Variants in CNTNAP2 observed in about 807,000 individuals in gnomAD.
CNTNAP2 encodes the protein contactin associated protein 2.
Under a neutral mutation model 155.2 loss-of-function variants are expected in CNTNAP2, and 98 were observed. That is an observed-to-expected ratio of 0.63 (90% CI 0.54 to 0.75). The LOEUF is 0.75. Among genes scored for constraint, CNTNAP2 ranks in the 30% least tolerant of loss-of-function variants. CNTNAP2 has a pLI of 0.00. For synonymous variants in CNTNAP2, 651 were observed against 631.2 expected (o/e 1.03, Z -0.47); for missense variants, 1,727 against 1,688.1 (o/e 1.02, Z -0.40).
intron 1 of CNTNAP2, among the ~76,000 whole-genome samples, chr7:146,304,286 T>C (rs1800667732): frequency 6.6e-6 from 1 of 152,052 alleles, no homozygotes; most frequent in Non-Finnish European, 1.5e-5. Context: ...GTTAATATTG[T>C]TATGTGTGAA....
chr7:147,808,119 C>G, intron 13 of CNTNAP2, among the ~76,000 whole-genome samples: 1 of 152,114 alleles, frequency 6.6e-6, no homozygotes, highest in East Asian at 1.9e-4. Flanking sequence ...TTTCCTCTCT[C>G]TATATATACT....
chr7:147,814,219 C>T (rs1156312336), intron 13 of CNTNAP2, among the ~76,000 whole-genome samples: 1 of 152,130 alleles, frequency 6.6e-6, no homozygotes, highest in East Asian at 1.9e-4. Flanking sequence ...GGGTGTCACA[C>T]TGGAAAATTC....
chr7:147,910,405 C>T (rs1800040497), intron 14 of CNTNAP2, among the ~76,000 whole-genome samples: 1 of 152,084 alleles, frequency 6.6e-6, no homozygotes, highest in African/African-American at 2.4e-5. Context: ...TTTAGAAATG[C>T]TCCAGAGAGA....
At chr7:147,144,532 C>T (rs1403206727) in intron 8 of CNTNAP2, among the ~76,000 whole-genome samples, 1 of 151,984 alleles carries the variant, frequency 6.6e-6, no homozygotes, top group African/African-American at 2.4e-5. Context: ...TTGGCAGGTA[C>T]GTTTCTAATC....
At chr7:147,181,893 G>T (rs544702690) in intron 8 of CNTNAP2, among the ~76,000 whole-genome samples, 1 of 152,034 alleles carries the variant, frequency 6.6e-6, no homozygotes, top group Non-Finnish European at 1.5e-5. Flanking sequence ...TTGGGAGGCC[G>T]AGGTGGGTGG....
At position 147,995,529 on chromosome 7, in the gene CNTNAP2, G is replaced by GTT. The variant is rs201683391; in HGVS notation, c.2383+17541_2383+17542dup. 9.6e-5 allele frequency among the ~76,000 whole-genome samples: 11 copies of GTT among 114,106 alleles called. 2 individuals carry two copies. Among genetic ancestry groups the GTT allele is most frequent in the African/African-American group, 2.3e-4 (6 of 26,652 alleles). 74.9% of individuals were successfully genotyped at this position (114,106 alleles called of 152,430 possible). A position where few individuals can be genotyped will look rare whatever the true frequency, so the allele number is the denominator to read the frequency against. On this transcript the variant is annotated intron_variant, in intron 15 of 23. Transcript: ENST00000361727. ...TTGTCCTGCCTCTTCTAATTCTTTTGTTGTTTTTTTTTTTTTGAGATGGAA... is the reference window on the plus strand; with the variant it reads ...TTGTCCTGCCTCTTCTAATTCTTTTGTTTTGTTTTTTTTTTTTTGAGATGGAA...
intron 20 of CNTNAP2, among the ~76,000 whole-genome samples, chr7:148,239,740 A>T (rs936307908): frequency 4.6e-5 from 7 of 152,222 alleles, no homozygotes; most frequent in South Asian, 2.1e-4. Context: ...AGTACCTTCA[A>T]ACCAGCTTGA....
chr7:147,647,014 C>G (rs1043689674), intron 13 of CNTNAP2, among the ~76,000 whole-genome samples: 2 of 149,930 alleles, frequency 1.3e-5, no homozygotes, highest in African/African-American at 4.9e-5. Context: ...CGGAATCTCA[C>G]TCTGTCACCA....
intron 13 of CNTNAP2, among the ~76,000 whole-genome samples, chr7:147,836,969 C>T (rs974464017): frequency 6.6e-6 from 1 of 152,156 alleles, no homozygotes; most frequent in Non-Finnish European, 1.5e-5. Context: ...GTCCCAAAGG[C>T]ATTTCATAAA....
chr7:147,455,809 A>T (rs760750051), intron 10 of CNTNAP2, among the ~76,000 whole-genome samples: 1 of 152,152 alleles, frequency 6.6e-6, no homozygotes, highest in Non-Finnish European at 1.5e-5. Context: ...ATACCACATT[A>T]TAAATGATAT....
At chr7:148,403,689 G>A (rs999971859) in intron 22 of CNTNAP2, among the ~76,000 whole-genome samples, 1 of 152,174 alleles carries the variant, frequency 6.6e-6, no homozygotes, top group Admixed American at 6.5e-5. Flanking sequence ...TTCTCTGTGC[G>A]CATTTCCAAG....
At chr7:148,357,505 C>T (rs924932617) in intron 21 of CNTNAP2, among the ~76,000 whole-genome samples, 6 of 152,180 alleles carry the variant, frequency 3.9e-5, no homozygotes, top group Non-Finnish European at 7.3e-5. Context: ...TTGTAGCCCC[C>T]GTTCAATGAT....
chr7:147,894,956 TCTTTC>T (rs1799752715), intron 13 of CNTNAP2, among the ~76,000 whole-genome samples: 3 of 87,420 alleles, frequency 3.4e-5, no homozygotes, highest in African/African-American at 2.2e-4. Context: ...TTTCTTTCTT[TCTTTC>T]TTTCTTTTTT....
At chr7:146,707,142 C>T (rs1201067246) in intron 1 of CNTNAP2, among the ~76,000 whole-genome samples, 1 of 152,140 alleles carries the variant, frequency 6.6e-6, no homozygotes, top group Non-Finnish European at 1.5e-5. Context: ...CATGACCATT[C>T]TGGGTGGCCA....
chr7:146,436,369 G>T (rs1796243827), intron 1 of CNTNAP2, among the ~76,000 whole-genome samples: 1 of 152,108 alleles, frequency 6.6e-6, no homozygotes, highest in Admixed American at 6.6e-5. Flanking sequence ...TGTTGCAGTG[G>T]TGATAATAAA....
chr7:148,277,858 G>C (rs1171379437), intron 21 of CNTNAP2, among the ~76,000 whole-genome samples: 1 of 147,948 alleles, frequency 6.8e-6, no homozygotes, highest in Non-Finnish European at 1.5e-5. Flanking sequence ...CTAACAAATA[G>C]CTCCAAAACT....
chr7:146,303,071 CATGT>C (rs747655873), intron 1 of CNTNAP2, among the ~76,000 whole-genome samples: 12 of 128,216 alleles, frequency 9.4e-5, no homozygotes, highest in African/African-American at 4.5e-4. Flanking sequence ...CCTTTGTGTG[CATGT>C]GTGTGTGTGT....
chr7:146,147,908 T>C (rs1167197369), intron 1 of CNTNAP2, among the ~76,000 whole-genome samples: 1 of 152,168 alleles, frequency 6.6e-6, no homozygotes, highest in Admixed American at 6.6e-5. Flanking sequence ...ATTTTAAATA[T>C]GCCCTGTTGA....
chr7:146,296,716 C>T (rs993929180), intron 1 of CNTNAP2, among the ~76,000 whole-genome samples: 2 of 149,774 alleles, frequency 1.3e-5, no homozygotes, highest in Non-Finnish European at 2.9e-5. Flanking sequence ...AATTTGGCCA[C>T]GTATTTTAGT....
Sources: gnomAD v4.1 joint callset for allele counts (sites outside exome capture counted in the v4.1 genomes callset) on GRCh38, gnomAD v4.1.1 for gene constraint, MANE v1.5 for transcripts, NCBI Gene and HGNC (gene_info 2026-07-23, HGNC 2026-07-21) for gene names.